Variants in IQCH observed in about 807,000 individuals in gnomAD.
IQCH encodes IQ domain-containing protein H.
Under a neutral mutation model 117.0 loss-of-function variants are expected in IQCH, and 98 were observed. The ratio of observed to expected loss-of-function variants is 0.84; its 90% CI spans 0.71 to 0.99. The LOEUF (loss-of-function observed/expected upper bound fraction) is 0.99, where lower values mean the gene tolerates loss of function less well. IQCH is among the 50% of genes least tolerant of loss of function. The pLI, the probability that IQCH is intolerant of heterozygous loss-of-function variation, is 0.00. For missense variants in IQCH, 1,102 were observed against 1,243.8 expected, an observed-to-expected ratio of 0.89 and a Z score of 1.72; for synonymous variants, 412 against 448.2, an observed-to-expected ratio of 0.92 and a Z score of 1.02.
intron 3 of IQCH, among the ~76,000 whole-genome samples, chr15:67,278,305 G>T (rs1966212951): frequency 6.6e-6 from 1 of 152,200 alleles, no homozygotes. Flanking sequence ...TCTTCACAGT[G>T]AGAACATGTT....
chr15:67,480,966 A>G (rs2083323805), intron 18 of IQCH, among the ~76,000 whole-genome samples: 1 of 152,088 alleles, frequency 6.6e-6, no homozygotes, highest in Non-Finnish European at 1.5e-5. Flanking sequence ...GAGAGATCTC[A>G]GAAATTTGGC....
In IQCH at chr15:67,384,903, T is replaced by G. The variant is rs1297936488; in HGVS notation, c.1373-33T>G. The G allele has an allele frequency of 7.3e-7, 1 of 1,363,554 alleles. No homozygotes were observed. The highest frequency in any genetic ancestry group is 1.0e-6 in the Non-Finnish European group (1 of 952,464). 84.5% of individuals were successfully genotyped at this position (1,363,554 alleles called of 1,614,324 possible). ...GCCATTTTGCTATATCGACTTGCTC[T>G]TTCTGTGTTTTGACACCTTGTTTGC... is the stretch of plus-strand genomic sequence containing the variant. On this transcript the variant is annotated intron_variant, in intron 10 of 20. Coordinates refer to ENST00000335894, the MANE Select transcript of IQCH (RefSeq NM_001031715.3). The surrounding 1 kb of genome is among the most constrained non-coding windows in gnomAD (Gnocchi z 4.3).
At chr15:67,325,912 T>C (rs1968384794) in intron 4 of IQCH, among the ~76,000 whole-genome samples, 1 of 152,220 alleles carries the variant, frequency 6.6e-6, no homozygotes, top group Admixed American at 6.5e-5. Context: ...CTCAAAATAT[T>C]TAATATTAAT....
rs964339720 is a variant in IQCH, at chr15:67,391,953, T to C, written c.1632+2947T>C. Among the ~76,000 whole-genome samples, 6 of 152,172 alleles carry C rather than the reference T, an allele frequency of 3.9e-5. No individual in the cohort carries two copies. Among genetic ancestry groups the C allele is most frequent in the African/African-American group, 1.4e-4 (6 of 41,444 alleles). ...CTCAGAATGTTAACATTAGGTTCTA[T>C]TGCTGCATCTGCCATCCCCCTTCAC... On this transcript the variant is annotated intron_variant, in intron 12 of 20. Coordinates refer to ENST00000335894, the MANE Select transcript of IQCH (RefSeq NM_001031715.3). This position sits in a 1 kb window ranked among gnomAD's most constrained non-coding sequence, Gnocchi z 4.3.
At position 67,359,817 on chromosome 15, in the gene IQCH, A is replaced by AT; in HGVS notation, c.715-27dup. On this transcript the variant is annotated intron_variant, in intron 7 of 20. Coordinates refer to ENST00000335894, the MANE Select transcript of IQCH (RefSeq NM_001031715.3). The surrounding 1 kb of genome is among the most constrained non-coding windows in gnomAD (Gnocchi z 4.5). ...AAAATTGCCCATGAGAGTCGTTTTGATTTAAACTGTGTCTCATTCTTCATT... is the reference window on the plus strand; with the variant it reads ...AAAATTGCCCATGAGAGTCGTTTTGATTTTAAACTGTGTCTCATTCTTCATT... The AT allele has an allele frequency of 8.1e-7, 1 of 1,231,584 alleles. No individual in the cohort carries two copies. Among genetic ancestry groups the AT allele is most frequent in the Non-Finnish European group, 1.2e-6 (1 of 852,022 alleles). The allele number at this position is 1,231,584 out of a possible 1,614,324, so 76.3% of individuals were successfully genotyped here. A position where few individuals can be genotyped will look rare whatever the true frequency, so the allele number is the denominator to read the frequency against.
In IQCH at chr15:67,474,572, C is replaced by G. The variant is rs1445864619; in HGVS notation, c.2677-1124C>G. 6.6e-6 allele frequency among the ~76,000 whole-genome samples: 1 copy of G among 152,166 alleles called. No individual in the cohort carries two copies. Among genetic ancestry groups the G allele is most frequent in the African/African-American group, 2.4e-5 (1 of 41,424 alleles). On this transcript the variant is annotated intron_variant, in intron 17 of 20. Coordinates refer to ENST00000335894, the MANE Select transcript of IQCH (RefSeq NM_001031715.3). The surrounding 1 kb of genome is among the most constrained non-coding windows in gnomAD (Gnocchi z 4.1). ...TTTCAGGAAATACATAATGACAGCA[C>G]TTTGGGCCTACTATCACCAATCTCT...
Position 67,381,796 on chromosome 15 carries a change from C to T in IQCH, c.1373-3140C>T, listed in dbSNP as rs1970938530. 6.6e-6 allele frequency among the ~76,000 whole-genome samples: 1 copy of T among 151,890 alleles called. No homozygotes were observed. Among genetic ancestry groups the T allele is most frequent in the Non-Finnish European group, 1.5e-5 (1 of 67,980 alleles). On this transcript the variant is annotated intron_variant, in intron 10 of 20. Transcript: ENST00000335894. The surrounding 1 kb of genome is among the most constrained non-coding windows in gnomAD (Gnocchi z 5.1). ...AGGAATTTGAGATCAGCCTGGGCAA[C>T]ATGGCGAAACCCTGGCTCTACAAAA...
chr15:67,323,239 ATTT>A (rs578260011), intron 4 of IQCH, among the ~76,000 whole-genome samples: 8 of 98,900 alleles, frequency 8.1e-5, no homozygotes, highest in Middle Eastern at 5.6e-3. Context: ...TTAGGGTTAC[ATTT>A]TTTTTTTTTT....
intron 1 of IQCH, 27 bp from the exon 2 acceptor site, chr15:67,261,245 A>G: frequency 6.9e-7 from 1 of 1,456,792 alleles, no homozygotes; most frequent in East Asian, 2.4e-5. Flanking sequence ...GGATTATTTC[A>G]ATATTTTTCA....
rs547725378 is a variant in IQCH, at chr15:67,459,351, G to C, written c.2506-5776G>C. On this transcript the variant is annotated intron_variant, in intron 16 of 20. Transcript: ENST00000335894. The surrounding 1 kb of genome is among the most constrained non-coding windows in gnomAD (Gnocchi z 4.2). ...CCCATACGTGCCCTGATGCCCATAGGAGAAGGGTGGCAAGAGGCAACACTA... is the reference window on the plus strand; with the variant it reads ...CCCATACGTGCCCTGATGCCCATAGCAGAAGGGTGGCAAGAGGCAACACTA... 6.6e-6 allele frequency among the ~76,000 whole-genome samples: 1 copy of C among 152,258 alleles called. No individual in the cohort carries two copies. Among genetic ancestry groups the C allele is most frequent in the East Asian group, 1.9e-4 (1 of 5,178 alleles).
rs1361709889 is a variant in IQCH, at chr15:67,381,060, G to T, written c.1373-3876G>T. Among the ~76,000 whole-genome samples, 2 of 152,202 alleles carry T rather than the reference G, an allele frequency of 1.3e-5. No homozygotes were observed. The highest frequency in any genetic ancestry group is 3.8e-4 in the East Asian group (2 of 5,206). On this transcript the variant is annotated intron_variant, in intron 10 of 20. Transcript: ENST00000335894. The surrounding 1 kb of genome is among the most constrained non-coding windows in gnomAD (Gnocchi z 5.1). ...CGTGTGATCTGCTGCAACAACAGGG[G>T]CCTGTCACAGAGACATGCACCAGTG...
In IQCH at chr15:67,357,307, C is replaced by T. The variant is rs1024052033; in HGVS notation, c.638-38C>T. The T allele has an allele frequency of 3.5e-6, 5 of 1,421,866 alleles. No homozygotes were observed. In the Admixed American group the frequency reaches 8.4e-5, roughly 24 times the overall value. 88.1% of individuals were successfully genotyped at this position (1,421,866 alleles called of 1,614,324 possible). The stretch of plus-strand genomic sequence containing the variant: ...CATCCAACCAGTGACTCAGCCTCTT[C>T]TTCTGGAAAAGGTAACATGTACTAT... On this transcript the variant is annotated intron_variant, in intron 6 of 20. Transcript: ENST00000335894.
At position 67,381,407 on chromosome 15, in the gene IQCH, T is replaced by C. The variant is rs111651997; in HGVS notation, c.1373-3529T>C. 2.7e-3 allele frequency among the ~76,000 whole-genome samples: 412 copies of C among 152,258 alleles called. 4 individuals are homozygous for C. Among genetic ancestry groups the C allele is most frequent in the African/African-American group, 9.7e-3 (405 of 41,544 alleles). ...ACAATAATATTTCACAACTGCTTATTTGAGAAAAGACGGAACTCTCTATCA... is the reference window on the plus strand; with the variant it reads ...ACAATAATATTTCACAACTGCTTATCTGAGAAAAGACGGAACTCTCTATCA... On this transcript the variant is annotated intron_variant, in intron 10 of 20. Coordinates refer to ENST00000335894, the MANE Select transcript of IQCH (RefSeq NM_001031715.3). This position sits in a 1 kb window ranked among gnomAD's most constrained non-coding sequence, Gnocchi z 5.1.
At chr15:67,301,271 A>T (rs560529199) in intron 4 of IQCH, among the ~76,000 whole-genome samples, 1 of 152,108 alleles carries the variant, frequency 6.6e-6, no homozygotes, top group South Asian at 2.1e-4. Flanking sequence ...TGAAAACCTT[A>T]TTATTGAGTC....
intron 3 of IQCH, among the ~76,000 whole-genome samples, chr15:67,267,235 A>G (rs1373066152): frequency 2.6e-5 from 4 of 152,246 alleles, no homozygotes; most frequent in Non-Finnish European, 4.4e-5. Flanking sequence ...TCACATGACC[A>G]ATGGCATCAT....
intron 1 of IQCH, among the ~76,000 whole-genome samples, chr15:67,258,355 A>G (rs1965316401): frequency 6.6e-6 from 1 of 151,736 alleles, no homozygotes; most frequent in African/African-American, 2.4e-5. Flanking sequence ...ACCTGGTGAA[A>G]CCCCGTCTCT....
At chr15:67,257,869 A>G (rs1394027440) in intron 1 of IQCH, among the ~76,000 whole-genome samples, 2 of 152,220 alleles carry the variant, frequency 1.3e-5, no homozygotes, top group Non-Finnish European at 2.9e-5. Flanking sequence ...ATGGGAGCTC[A>G]ATTGACAGTT....
At chr15:67,326,550 C>G (rs1968418874) in intron 4 of IQCH, among the ~76,000 whole-genome samples, 1 of 152,142 alleles carries the variant, frequency 6.6e-6, no homozygotes, top group Non-Finnish European at 1.5e-5. Flanking sequence ...ACACTGTCTT[C>G]CACAATGGTT....
rs776623791 is a variant in IQCH at position 67,387,832 on chromosome 15, A to T, written c.1457-999A>T. ...AAATAACTAGAATTTAATTCAGTCT[A>T]TGCTCTGTATATATACTCTGCCAAA... is the stretch of plus-strand genomic sequence containing the variant. On this transcript the variant is annotated intron_variant, in intron 11 of 20. Coordinates refer to ENST00000335894, the MANE Select transcript of IQCH (RefSeq NM_001031715.3). This position sits in a 1 kb window ranked among gnomAD's most constrained non-coding sequence, Gnocchi z 4.8. Among the ~76,000 whole-genome samples the T allele has an allele frequency of 1.1e-4, 17 of 152,206 alleles. No individual in the cohort carries two copies. Among genetic ancestry groups the T allele is most frequent in the Non-Finnish European group, 2.1e-4 (14 of 68,032 alleles).
Sources: gnomAD v4.1 joint callset for allele counts (sites outside exome capture counted in the v4.1 genomes callset) on GRCh38, gnomAD v4.1.1 for gene constraint, Gnocchi (gnomAD v3.1) non-coding constraint, MANE v1.5 for transcripts, NCBI Gene and HGNC (gene_info 2026-07-23, HGNC 2026-07-21) for gene names.